The following IL1RAPL1 variants were observed in gnomAD, a reference collection of about 807,000 sequenced individuals.
The protein encoded by IL1RAPL1 is interleukin 1 receptor accessory protein like 1.
IL1RAPL1 carries 3 observed loss-of-function variants against 48.4 expected under a neutral mutation model. That is an observed-to-expected ratio of 0.06 (90% CI 0.03 to 0.16). The LOEUF is 0.16. Ranked by LOEUF, IL1RAPL1 falls within the 10% of genes least tolerant of loss-of-function variation. The probability of loss-of-function intolerance (pLI) is 1.00; values close to 1 mark genes in which losing one functional copy is unlikely to be tolerated. For synonymous variants in IL1RAPL1, 185 were observed against 187.7 expected (o/e 0.99, Z 0.12); for missense variants, 349 against 530.6 (o/e 0.66, Z 3.36).
chrX:29,572,077 G>T (rs1035422517), intron 5 of IL1RAPL1, among the ~76,000 whole-genome samples: 5 of 111,650 alleles, frequency 4.5e-5, no homozygotes, highest in Non-Finnish European at 9.4e-5. Context: ...GACTTTTATC[G>T]TGACAAAAGT....
At chrX:28,920,957 A>G (rs961932617) in intron 2 of IL1RAPL1, among the ~76,000 whole-genome samples, 5 of 111,810 alleles carry the variant, frequency 4.5e-5, no homozygotes, top group Admixed American at 1.9e-4. Context: ...CCTTGCATGT[A>G]TAATTATGAC....
chrX:29,012,175 C>A (rs1411298069), intron 2 of IL1RAPL1, among the ~76,000 whole-genome samples: 1 of 112,262 alleles, frequency 8.9e-6, no homozygotes, highest in Non-Finnish European at 1.9e-5. Flanking sequence ...CCAAAATAAA[C>A]TCATACTAAC....
At chrX:29,683,978 C>G (rs1926541141) in intron 6 of IL1RAPL1, among the ~76,000 whole-genome samples, 1 of 111,704 alleles carries the variant, frequency 9.0e-6, no homozygotes, top group Non-Finnish European at 1.9e-5. Context: ...TTAATAAAAA[C>G]ATTTTAAAAT....
At chrX:28,843,139 G>A (rs1228078167) in intron 2 of IL1RAPL1, among the ~76,000 whole-genome samples, 1 of 109,890 alleles carries the variant, frequency 9.1e-6, no homozygotes, top group Non-Finnish European at 1.9e-5. Flanking sequence ...ATTTATTTCT[G>A]TCTTATAAAA....
chrX:29,121,133 A>T lies in IL1RAPL1; in HGVS notation c.83-161805A>T, dbSNP rs1288889446. On this transcript the variant is annotated intron_variant, in intron 2 of 10. Coordinates refer to ENST00000378993, the MANE Select transcript of IL1RAPL1 (RefSeq NM_014271.4). Reference sequence around the variant, plus strand: ...ACAAAATACCTACAGCTAAGGTCATAGTTAATGGTGAGAAACACCAAGCTT... The same window carrying T: ...ACAAAATACCTACAGCTAAGGTCATTGTTAATGGTGAGAAACACCAAGCTT... Among the ~76,000 whole-genome samples, 35 of 112,171 alleles carry T rather than the reference A, an allele frequency of 3.1e-4. No homozygotes were observed. The Admixed American group carries it at 3.3e-3, about 11-fold the overall frequency.
At chrX:29,618,873 C>T (rs935133292) in intron 5 of IL1RAPL1, among the ~76,000 whole-genome samples, 2 of 111,804 alleles carry the variant, frequency 1.8e-5, no homozygotes, top group African/African-American at 6.5e-5. Context: ...CTCATATAAT[C>T]TAACTCCTTT....
At chrX:28,944,919 C>T (rs1027621469) in intron 2 of IL1RAPL1, among the ~76,000 whole-genome samples, 1 of 110,220 alleles carries the variant, frequency 9.1e-6, no homozygotes, top group African/African-American at 3.3e-5. Context: ...TTCACGAATC[C>T]TTATGTGGCA....
At chrX:28,677,514 CCA>C (rs1935011633) in intron 1 of IL1RAPL1, among the ~76,000 whole-genome samples, 1 of 111,841 alleles carries the variant, frequency 8.9e-6, no homozygotes, top group Non-Finnish European at 1.9e-5. Flanking sequence ...CTCTCTGATA[CCA>C]ACACAACTCT....
intron 3 of IL1RAPL1, among the ~76,000 whole-genome samples, chrX:29,367,968 A>T (rs1219400026): frequency 8.2e-5 from 9 of 110,354 alleles, no homozygotes; most frequent in African/African-American, 3.0e-4. Flanking sequence ...TGTATTATTT[A>T]TATATTTGTA....
chrX:29,472,471 G>A (rs1934931286), intron 5 of IL1RAPL1, among the ~76,000 whole-genome samples: 1 of 111,882 alleles, frequency 8.9e-6, no homozygotes, highest in Non-Finnish European at 1.9e-5. Context: ...ATGTTTATAA[G>A]TTAGATTTTG....
chrX:29,757,139 G>T (rs1199701108), intron 6 of IL1RAPL1, among the ~76,000 whole-genome samples: 2 of 112,139 alleles, frequency 1.8e-5, no homozygotes, highest in African/African-American at 6.5e-5. Context: ...CTTAGTTTGT[G>T]GTTCTTTGCT....
intron 2 of IL1RAPL1, among the ~76,000 whole-genome samples, chrX:29,020,826 T>G (rs1926347697): frequency 8.9e-6 from 1 of 112,181 alleles, no homozygotes; most frequent in African/African-American, 3.2e-5. Context: ...TTTCTATGAT[T>G]TTGTTCAGGA....
intron 2 of IL1RAPL1, among the ~76,000 whole-genome samples, chrX:29,157,386 C>A (rs768271180): frequency 5.4e-5 from 6 of 111,497 alleles, no homozygotes; most frequent in Non-Finnish European, 7.5e-5. Context: ...AATATCCAAA[C>A]AAAGTAATTC....
chrX:29,101,358 T>C (rs1311873239), intron 2 of IL1RAPL1, among the ~76,000 whole-genome samples: 1 of 111,681 alleles, frequency 9.0e-6, no homozygotes, highest in Non-Finnish European at 1.9e-5. Flanking sequence ...GAAGCTGTAA[T>C]AACAATCTTC....
intron 1 of IL1RAPL1, among the ~76,000 whole-genome samples, chrX:28,672,820 A>G (rs752977551): frequency 3.6e-5 from 4 of 111,076 alleles, no homozygotes; most frequent in South Asian, 7.6e-4. Flanking sequence ...TAACCTTTAA[A>G]TTCAGGGGTA....
chrX:28,736,451 G>A (rs374866261), intron 1 of IL1RAPL1, among the ~76,000 whole-genome samples: 1 of 109,792 alleles, frequency 9.1e-6, no homozygotes, highest in African/African-American at 3.3e-5. Flanking sequence ...AAAAAATGAT[G>A]GCTCATAGAT....
chrX:28,604,927 T>C (rs1934067009), intron 1 of IL1RAPL1, among the ~76,000 whole-genome samples: 1 of 111,127 alleles, frequency 9.0e-6, no homozygotes, highest in Admixed American at 9.6e-5. Flanking sequence ...AATTGCACAA[T>C]GGATCAGTCC....
intron 5 of IL1RAPL1, among the ~76,000 whole-genome samples, chrX:29,583,911 G>A (rs1346890671): frequency 4.5e-5 from 5 of 111,304 alleles, no homozygotes; most frequent in African/African-American, 1.3e-4. Context: ...AGTAATTGTG[G>A]CACAACAAAG....
intron 3 of IL1RAPL1, among the ~76,000 whole-genome samples, chrX:29,298,408 ACTT>A (rs2147609511): frequency 8.9e-6 from 1 of 111,881 alleles, no homozygotes; most frequent in East Asian, 2.8e-4. Flanking sequence ...AAATCTGACT[ACTT>A]CTGAGGTTGC....
Sources: allele counts gnomAD v4.1 joint callset (sites outside exome capture counted in the v4.1 genomes callset), GRCh38; gene constraint gnomAD v4.1.1; transcripts MANE v1.5; gene names NCBI Gene and HGNC (gene_info 2026-07-23, HGNC 2026-07-21).